PDLIM5: variants seen among roughly 807,000 people sequenced by gnomAD.
PDLIM5 encodes the protein PDZ and LIM domain protein 5.
In PDLIM5, 34 loss-of-function variants were observed where a neutral mutation model predicts 64.2. That is an observed-to-expected ratio of 0.53 (90% confidence interval 0.40 to 0.71). The LOEUF (loss-of-function observed/expected upper bound fraction) is 0.71, where lower values mean the gene tolerates loss of function less well. PDLIM5 is among the 30% of genes least tolerant of loss of function. The pLI, the probability that PDLIM5 is intolerant of heterozygous loss-of-function variation, is 0.00. For synonymous variants in PDLIM5, 253 were observed against 269.1 expected (o/e 0.94, Z 0.59); for missense variants, 683 against 733.6 (o/e 0.93, Z 0.80).
At position 94,522,017 on chromosome 4, in the gene PDLIM5, G is replaced by T. The variant is rs574862793; in HGVS notation, c.97-1707G>T. 2.6e-5 allele frequency among the ~76,000 whole-genome samples: 4 copies of T among 152,142 alleles called. No homozygotes were observed. The South Asian group carries it at 6.2e-4, about 24-fold the overall frequency. On this transcript the variant is annotated intron_variant, in intron 2 of 12. Coordinates refer to ENST00000317968, the MANE Select transcript of PDLIM5 (RefSeq NM_006457.5). ...CTTCCAGATTTGACTTTTATTTTAG[G>T]ATTAAACATGTAACTTTGTATAGGT...
intron 9 of PDLIM5, among the ~76,000 whole-genome samples, chr4:94,647,304 A>G (rs1741492477): frequency 1.3e-5 from 2 of 152,174 alleles, no homozygotes; most frequent in Admixed American, 6.5e-5. Flanking sequence ...AAAGTATAGA[A>G]AAAAATATAT....
rs1742805873 is a variant in PDLIM5 at position 94,662,408 on chromosome 4, C to T, written c.1586-14C>T. The T allele has an allele frequency of 3.5e-6, 4 of 1,158,902 alleles. No individual in the cohort carries two copies. Among genetic ancestry groups the T allele is most frequent in the African/African-American group, 1.5e-5 (1 of 66,234 alleles). The allele number at this position is 1,158,902 out of a possible 1,614,324, so 71.8% of individuals were successfully genotyped here. On this transcript the variant is annotated splice_polypyrimidine_tract_variant and intron_variant, in intron 11 of 12. Coordinates refer to ENST00000317968, the MANE Select transcript of PDLIM5 (RefSeq NM_006457.5). ...CATGTTTAAATTATGTCTCTCTGCCCTCCCTTAATACAGATTATTATGCCC... is the reference window on the plus strand; with the variant it reads ...CATGTTTAAATTATGTCTCTCTGCCTTCCCTTAATACAGATTATTATGCCC...
chr4:94,537,585 G>GT (rs1305383486), intron 3 of PDLIM5, among the ~76,000 whole-genome samples: 1 of 152,084 alleles, frequency 6.6e-6, no homozygotes, highest in Non-Finnish European at 1.5e-5. Flanking sequence ...GAAGCAGCTT[G>GT]TTTTTTAGTG....
intron 3 of PDLIM5, among the ~76,000 whole-genome samples, chr4:94,528,824 C>T (rs940096812): frequency 6.6e-6 from 1 of 152,190 alleles, no homozygotes; most frequent in African/African-American, 2.4e-5. Context: ...GAGGGAGCAC[C>T]TTCTCACTTG....
chr4:94,459,249 G>T (rs1723655616), intron 2 of PDLIM5, among the ~76,000 whole-genome samples: 1 of 152,086 alleles, frequency 6.6e-6, no homozygotes, highest in South Asian at 2.1e-4. Context: ...TTATGTTTGG[G>T]CTCTTTTCTT....
At chr4:94,585,926 C>G (rs1017245371) in intron 6 of PDLIM5, among the ~76,000 whole-genome samples, 189 bp downstream of exon 6, 6 of 152,116 alleles carry the variant, frequency 3.9e-5, no homozygotes, top group African/African-American at 1.4e-4. Flanking sequence ...AATCCCAGCG[C>G]TTTGGGAGGC....
intron 3 of PDLIM5, among the ~76,000 whole-genome samples, chr4:94,556,237 A>T (rs1303148206): frequency 6.6e-6 from 1 of 152,140 alleles, no homozygotes; most frequent in African/African-American, 2.4e-5. Context: ...ACATGAGCTC[A>T]TCCTTTTTTA....
At chr4:94,503,776 GTTCT>G (rs1354484650) in intron 2 of PDLIM5, among the ~76,000 whole-genome samples, 1 of 152,206 alleles carries the variant, frequency 6.6e-6, no homozygotes, top group East Asian at 1.9e-4. Flanking sequence ...ACCACTCAGA[GTTCT>G]ACCCCTTTTA....
intron 8 of PDLIM5, among the ~76,000 whole-genome samples, chr4:94,620,087 C>G (rs1032721562): frequency 6.6e-6 from 1 of 152,186 alleles, no homozygotes; most frequent in African/African-American, 2.4e-5. Flanking sequence ...ATAATCTGTG[C>G]TTGGTTGCAC....
intron 2 of PDLIM5, among the ~76,000 whole-genome samples, chr4:94,516,757 C>T (rs944007654): frequency 2.0e-5 from 3 of 152,062 alleles, no homozygotes; most frequent in Admixed American, 6.6e-5. Context: ...GTCTCAAACT[C>T]CTGGGCTCAA....
At chr4:94,554,683 G>A (rs549528235) in intron 3 of PDLIM5, among the ~76,000 whole-genome samples, 1 of 152,294 alleles carries the variant, frequency 6.6e-6, no homozygotes, top group African/African-American at 2.4e-5. Context: ...TAAGGAATGA[G>A]TAGCATTATC....
intron 2 of PDLIM5, among the ~76,000 whole-genome samples, chr4:94,498,550 T>C (rs893221007): frequency 3.3e-5 from 5 of 152,254 alleles, no homozygotes; most frequent in African/African-American, 1.2e-4. Flanking sequence ...GAAATTTTAC[T>C]AATTATTTAA....
intron 7 of PDLIM5, among the ~76,000 whole-genome samples, chr4:94,600,509 A>G (rs532399323): frequency 6.6e-6 from 1 of 152,338 alleles, no homozygotes; most frequent in African/African-American, 2.4e-5. Context: ...TATTTATTAA[A>G]TAATACATGC....
intron 9 of PDLIM5, among the ~76,000 whole-genome samples, chr4:94,649,121 A>G (rs537195185): frequency 5.3e-5 from 8 of 152,126 alleles, no homozygotes; most frequent in Admixed American, 3.3e-4. Flanking sequence ...GACCACGGGC[A>G]CGTGCCACCA....
chr4:94,484,563 C>T (rs1040461207), intron 2 of PDLIM5, among the ~76,000 whole-genome samples: 1 of 152,108 alleles, frequency 6.6e-6, no homozygotes, highest in African/African-American at 2.4e-5. Flanking sequence ...TCTCATGTCA[C>T]TCTGCAAGGA....
intron 2 of PDLIM5, among the ~76,000 whole-genome samples, chr4:94,482,457 T>G (rs1725954150): frequency 6.6e-6 from 1 of 152,082 alleles, no homozygotes; most frequent in African/African-American, 2.4e-5. Context: ...TGTCATCATT[T>G]TCGCTTTTTT....
At chr4:94,517,840 A>G (rs1261901500) in intron 2 of PDLIM5, among the ~76,000 whole-genome samples, 8 of 152,212 alleles carry the variant, frequency 5.3e-5, no homozygotes, top group African/African-American at 1.9e-4. Context: ...GTAGTACATT[A>G]TAGGATAATC....
intron 9 of PDLIM5, among the ~76,000 whole-genome samples, chr4:94,648,597 G>T (rs1186227482): frequency 6.6e-6 from 1 of 152,192 alleles, no homozygotes; most frequent in African/African-American, 2.4e-5. Flanking sequence ...ACCGCACCCG[G>T]CCAGTGTCCC....
In PDLIM5 at chr4:94,585,028, T is replaced by C. The variant is rs201789113; in HGVS notation, c.711-537T>C. The C allele has an allele frequency of 5.2e-5, 63 of 1,220,410 alleles. No homozygotes were observed. The African/African-American group carries it at 6.3e-4, about 12-fold the overall frequency. 75.6% of individuals were successfully genotyped at this position (1,220,410 alleles called of 1,614,324 possible). On this transcript the variant is annotated intron_variant, in intron 5 of 12. Transcript: ENST00000317968. ...GGTAATCTTTCTGTTGAATACATTCTAATAGCATTATTTTATATTAACATT... is the reference window on the plus strand; with the variant it reads ...GGTAATCTTTCTGTTGAATACATTCCAATAGCATTATTTTATATTAACATT...
Sources: allele counts gnomAD v4.1 joint callset (sites outside exome capture counted in the v4.1 genomes callset), GRCh38; gene constraint gnomAD v4.1.1; transcripts MANE v1.5; gene names NCBI Gene and HGNC (gene_info 2026-07-23, HGNC 2026-07-21).